Variants in BTAF1 observed in about 807,000 individuals in gnomAD.
BTAF1 encodes the protein B-TFIID TATA-box binding protein associated factor 1, also known as TATA-binding protein-associated factor 172.
BTAF1 carries 38 observed loss-of-function variants against 227.1 expected under a neutral mutation model. That is an observed-to-expected ratio of 0.17 (90% CI 0.13 to 0.22). BTAF1 has a LOEUF of 0.22. Among genes scored for constraint, BTAF1 ranks in the 10% least tolerant of loss-of-function variants. The probability of loss-of-function intolerance (pLI) is 1.00; values close to 1 mark genes in which losing one functional copy is unlikely to be tolerated. For missense variants in BTAF1, 1,598 were observed against 2,204.0 expected, an observed-to-expected ratio of 0.73 and a Z score of 5.51; for synonymous variants, 742 against 751.9, an observed-to-expected ratio of 0.99 and a Z score of 0.21.
Position 91,962,697 on chromosome 10 carries a change from C to G in BTAF1, c.1404+19C>G, listed in dbSNP as rs1173824442. On this transcript the variant is annotated intron_variant, in intron 12 of 37. Transcript: ENST00000265990. ...ACAAAAGGTAAATTAAATATTTTTA[C>G]AGTTTCTTACTATAGAGCTTGTTTT... The G allele has an allele frequency of 1.9e-6, 3 of 1,569,282 alleles. No homozygotes were observed. The highest frequency in any genetic ancestry group is 2.6e-6 in the Non-Finnish European group (3 of 1,159,088).
chr10:92,024,857 C>T lies in BTAF1; in HGVS notation c.4965C>T (p.Ser1655=). ...TACTGATATTCTGTCAGCTGAAAAG[C>T]ATGCTTGATATAGTAGAGCATGATC... ...HRILIFCQLK[S]MLDIVEHDLL... The change falls in exon 35 of 38, where the codon AGC becomes AGT. Residue 1655 remains serine, a synonymous_variant. Transcript: ENST00000265990. The T allele has an allele frequency of 6.2e-7, 1 of 1,613,814 alleles. No homozygotes were observed. The highest frequency in any genetic ancestry group is 1.1e-5 in the South Asian group (1 of 91,064).
At chr10:92,019,895 T>TG (rs1479131479) in intron 34 of BTAF1, among the ~76,000 whole-genome samples, 7 of 150,680 alleles carry the variant, frequency 4.6e-5, no homozygotes, top group East Asian at 1.9e-4. Flanking sequence ...GTTGCTGTTT[T>TG]TTTTTTTTTT....
intron 11 of BTAF1, among the ~76,000 whole-genome samples, chr10:91,962,314 G>A (rs76754341): frequency 1.3e-5 from 2 of 152,194 alleles, no homozygotes; most frequent in East Asian, 3.9e-4. Flanking sequence ...ACATAGTTAG[G>A]CGTGGTATAG....
chr10:91,964,060 G>T lies in BTAF1; in HGVS notation c.1405-17G>T. On this transcript the variant is annotated splice_polypyrimidine_tract_variant and intron_variant, in intron 12 of 37. Transcript: ENST00000265990. ...TTGTGCAAAATTGATAACTTTTCTT[G>T]AAAACTGATCTTATAGGTGCCCTTC... 1 of 1,610,456 alleles carries T rather than the reference G, an allele frequency of 6.2e-7. No individual in the cohort carries two copies.
intron 8 of BTAF1, among the ~76,000 whole-genome samples, chr10:91,958,016 A>G (rs923567916): frequency 3.3e-5 from 5 of 151,962 alleles, no homozygotes; most frequent in African/African-American, 9.7e-5. Flanking sequence ...TTTGGCACTC[A>G]CTTATCATTG....
In BTAF1 at chr10:91,953,119, G is replaced by A. The variant is rs543885087; in HGVS notation, c.565-618G>A. Among the ~76,000 whole-genome samples the A allele has an allele frequency of 9.8e-5, 15 of 152,302 alleles. No homozygotes were observed. In the South Asian group the frequency reaches 2.7e-3, roughly 27 times the overall value. On this transcript the variant is annotated intron_variant, in intron 5 of 37. Transcript: ENST00000265990. ...AGACTGCAGCAGAACATCCACACCA[G>A]TGACCTTAACTGTTTGTGGAAGTAT...
chr10:91,962,316 G>A (rs1455179806), intron 11 of BTAF1, among the ~76,000 whole-genome samples: 1 of 151,750 alleles, frequency 6.6e-6, no homozygotes, highest in Non-Finnish European at 1.5e-5. Context: ...ATAGTTAGGC[G>A]TGGTATAGGC....
At chr10:91,961,886 G>A (rs12413858) in intron 11 of BTAF1, among the ~76,000 whole-genome samples, 45,935 of 151,926 alleles carry the variant, frequency 0.3, 8,525 homozygotes, top group South Asian at 0.52. Flanking sequence ...TTTGGTTGTC[G>A]GTGGCATTGA....
At chr10:91,975,220 C>T (rs1020713555) in intron 14 of BTAF1, among the ~76,000 whole-genome samples, 6 of 152,148 alleles carry the variant, frequency 3.9e-5, no homozygotes, top group Non-Finnish European at 8.8e-5. Flanking sequence ...AATACATTAA[C>T]TTTTGTTTGA....
chr10:91,961,669 A>G (rs1846528602), intron 11 of BTAF1, among the ~76,000 whole-genome samples: 1 of 152,104 alleles, frequency 6.6e-6, no homozygotes, highest in South Asian at 2.1e-4. Flanking sequence ...ATAACAGTAG[A>G]CTTATATGGA....
At chr10:91,980,054 T>A (rs1205995275) in intron 14 of BTAF1, among the ~76,000 whole-genome samples, 12 of 152,170 alleles carry the variant, frequency 7.9e-5, no homozygotes, top group Admixed American at 3.3e-4. Flanking sequence ...CATATAGAAC[T>A]TAAACTCTGA....
chr10:91,981,877 C>T lies in BTAF1; in HGVS notation c.1905+85C>T, dbSNP rs937857240. 7.0e-6 allele frequency: 10 copies of T among 1,435,310 alleles called. No homozygotes were observed. The African/African-American group carries it at 1.3e-4, about 19-fold the overall frequency. The allele number at this position is 1,435,310 out of a possible 1,614,324, so 88.9% of individuals were successfully genotyped here. On this transcript the variant is annotated intron_variant, in intron 16 of 37. Coordinates refer to ENST00000265990, the MANE Select transcript of BTAF1 (RefSeq NM_003972.3). Reference sequence around the variant, plus strand: ...CCATATTTTTAAAAATCTGTATTGCCTTAAGTGTGATTTAATTAACATAAG... The same window carrying T: ...CCATATTTTTAAAAATCTGTATTGCTTTAAGTGTGATTTAATTAACATAAG...
In BTAF1 at chr10:92,026,769, C is replaced by T. The variant is rs753848677; in HGVS notation, c.5235+18C>T. The T allele has an allele frequency of 4.4e-6, 7 of 1,606,958 alleles. No homozygotes were observed. In the African/African-American group the frequency reaches 6.7e-5, roughly 15 times the overall value. ...TTGGGCAGGTAAAAGTCAATTTTAC[C>T]TCACAGATGTTAACCTGTGCATGAA... On this transcript the variant is annotated intron_variant, in intron 36 of 37. Coordinates refer to ENST00000265990, the MANE Select transcript of BTAF1 (RefSeq NM_003972.3).
intron 25 of BTAF1, among the ~76,000 whole-genome samples, chr10:91,998,188 A>G (rs1202851972): frequency 1.3e-5 from 2 of 152,102 alleles, no homozygotes; most frequent in East Asian, 1.9e-4. Flanking sequence ...ATGTCAGGCT[A>G]AAAAAAGAAG....
At chr10:91,951,612 G>T in intron 5 of BTAF1, 46 bp downstream of exon 5, 1 of 1,519,714 alleles carries the variant, frequency 6.6e-7, no homozygotes, top group Non-Finnish European at 8.8e-7. Context: ...TAATACAAAG[G>T]GTTTGCTTCA....
At chr10:91,951,754 A>G (rs1001073814) in intron 5 of BTAF1, among the ~76,000 whole-genome samples, 188 bp downstream of exon 5, 8 of 152,158 alleles carry the variant, frequency 5.3e-5, no homozygotes, top group African/African-American at 1.9e-4. Flanking sequence ...TAGAAGCTCA[A>G]CCTACCTCCC....
chr10:91,942,523 C>T lies in BTAF1; in HGVS notation c.355C>T (p.Leu119=). 2 of 1,614,110 alleles carry T rather than the reference C, an allele frequency of 1.2e-6. No individual in the cohort carries two copies. The highest frequency in any genetic ancestry group is 2.2e-5 in the East Asian group (1 of 44,874). ...ATTGTTACAACATGGTGCATCACTC[C>T]TGGGATCTGCTGGTGCCGAATTTGA... ...CRLLQHGASL[L]GSAGAEFEVQ... Residue 119 remains leucine (L), a synonymous_variant, in exon 4 of 38, where the codon CTG becomes TTG. Coordinates refer to ENST00000265990, the MANE Select transcript of BTAF1 (RefSeq NM_003972.3).
intron 3 of BTAF1, among the ~76,000 whole-genome samples, chr10:91,941,888 G>A (rs1203648616): frequency 6.6e-6 from 1 of 152,204 alleles, no homozygotes; most frequent in East Asian, 1.9e-4. Context: ...CTGATGGTCT[G>A]TGGAAAAGGA....
chr10:91,939,292 A>G (rs1182285778), intron 2 of BTAF1, among the ~76,000 whole-genome samples: 5 of 152,198 alleles, frequency 3.3e-5, no homozygotes, highest in Non-Finnish European at 5.9e-5. Flanking sequence ...TATTGATCTT[A>G]TATCTTACAA....
Sources: gnomAD v4.1 joint callset for allele counts (sites outside exome capture counted in the v4.1 genomes callset) on GRCh38, gnomAD v4.1.1 for gene constraint, MANE v1.5 for transcripts, NCBI Gene and HGNC (gene_info 2026-07-23, HGNC 2026-07-21) for gene names.